Variants in CATSPERD observed in about 807,000 individuals in gnomAD.
CATSPERD encodes catsper channel auxiliary subunit delta.
In CATSPERD, 86 loss-of-function variants were observed where a neutral mutation model predicts 98.1. That is an observed-to-expected ratio of 0.88 (90% CI 0.74 to 1.05). The LOEUF is 1.05. Ranked by LOEUF, CATSPERD falls within the 50% of genes least tolerant of loss-of-function variation. The probability of loss-of-function intolerance (pLI) is 0.00; values close to 1 mark genes in which losing one functional copy is unlikely to be tolerated. For missense variants in CATSPERD, 995 were observed against 1,005.7 expected (o/e 0.99, Z 0.14); for synonymous variants, 394 against 390.2 (o/e 1.01, Z -0.12).
rs1016260936 is a variant in CATSPERD, at chr19:5,730,878, G to A, written c.276+934G>A. Among the ~76,000 whole-genome samples, 4 of 152,228 alleles carry A rather than the reference G, an allele frequency of 2.6e-5. No homozygotes were observed. In the East Asian group the frequency reaches 7.7e-4, roughly 29 times the overall value. ...TAGCTGGGCGTGGTGGCAGGTGCTT[G>A]TAGTCGCAGCTACTTGGGAGGCTGA... is the stretch of plus-strand genomic sequence containing the variant. On this transcript the variant is annotated intron_variant, in intron 4 of 21. Coordinates refer to ENST00000381624, the MANE Select transcript of CATSPERD (RefSeq NM_152784.4).
At chr19:5,756,179 G>A (rs2056321175) in intron 13 of CATSPERD, among the ~76,000 whole-genome samples, 1 of 151,952 alleles carries the variant, frequency 6.6e-6, no homozygotes, top group Non-Finnish European at 1.5e-5. Context: ...TACTCAGGAG[G>A]CTGACGTGGG....
chr19:5,754,454 A>T (rs563059921), intron 13 of CATSPERD, among the ~76,000 whole-genome samples: 3 of 130,138 alleles, frequency 2.3e-5, no homozygotes, highest in African/African-American at 8.5e-5. Context: ...GCTGGAGTGC[A>T]GTGGCGTGAT....
chr19:5,724,000 T>C (rs1488394117), intron 1 of CATSPERD, among the ~76,000 whole-genome samples: 2 of 151,760 alleles, frequency 1.3e-5, no homozygotes, highest in Non-Finnish European at 2.9e-5. Flanking sequence ...TCCGTGTTGC[T>C]CAGGCTGGTC....
chr19:5,752,203 G>A (rs115978025), intron 12 of CATSPERD, among the ~76,000 whole-genome samples: 1,570 of 152,116 alleles, frequency 0.01, 28 homozygotes, highest in African/African-American at 0.036. Flanking sequence ...CACCTACTTC[G>A]AGTGCTGAGG....
At chr19:5,768,429 C>T (rs1315269100) in intron 18 of CATSPERD, among the ~76,000 whole-genome samples, 187 bp downstream of exon 18, 9 of 151,156 alleles carry the variant, frequency 6.0e-5, no homozygotes, top group Admixed American at 5.3e-4. Context: ...CTCCACCTCC[C>T]GGGTTCACAC....
chr19:5,735,643 T>C (rs1203443162), intron 5 of CATSPERD, among the ~76,000 whole-genome samples: 1 of 151,876 alleles, frequency 6.6e-6, no homozygotes, highest in Non-Finnish European at 1.5e-5. Context: ...CAGCTAATTT[T>C]TGTATGTTTT....
At chr19:5,723,458 AT>A (rs773822808) in intron 1 of CATSPERD, among the ~76,000 whole-genome samples, 9,160 of 90,960 alleles carry the variant, frequency 0.1, 230 homozygotes, top group East Asian at 0.36. Context: ...TGCCCAGCTA[AT>A]TTTTTTTTTT....
intron 6 of CATSPERD, among the ~76,000 whole-genome samples, chr19:5,738,685 G>A (rs2055896932): frequency 6.6e-6 from 1 of 152,156 alleles, no homozygotes; most frequent in South Asian, 2.1e-4. Context: ...CCAGGCTTCA[G>A]TGATTCCCCT....
At chr19:5,742,239 CGTAT>C (rs2055997081) in intron 7 of CATSPERD, among the ~76,000 whole-genome samples, 1 of 136,968 alleles carries the variant, frequency 7.3e-6, no homozygotes, top group East Asian at 2.1e-4. Flanking sequence ...CGTGTGTGTA[CGTAT>C]GTGAATGTGT....
At chr19:5,758,027 G>A in intron 14 of CATSPERD, 95 bp downstream of exon 14, 2 of 1,076,896 alleles carry the variant, frequency 1.9e-6, no homozygotes, top group Non-Finnish European at 2.7e-6. Context: ...GAGTTTCCAG[G>A]GTACATAGCC....
chr19:5,743,667 CCTCTCTCTCTCTCTTCCTCT>C (rs2056037181), intron 7 of CATSPERD, among the ~76,000 whole-genome samples: 1 of 129,170 alleles, frequency 7.7e-6, no homozygotes, highest in East Asian at 2.1e-4. Context: ...TCTCTCTCTT[CCTCTCTCTCTCTCTTCCTCT>C]CTCTCTCTCT....
At chr19:5,747,169 CTTTT>C (rs748726369) in intron 9 of CATSPERD, among the ~76,000 whole-genome samples, 1 of 105,754 alleles carries the variant, frequency 9.5e-6, no homozygotes, top group African/African-American at 3.8e-5. Context: ...AATGGTTTCC[CTTTT>C]TTTTTTTTTT....
chr19:5,750,213 C>T (rs959157511), intron 11 of CATSPERD, among the ~76,000 whole-genome samples: 1 of 147,230 alleles, frequency 6.8e-6, no homozygotes, highest in Non-Finnish European at 1.5e-5. Flanking sequence ...CCTTGGGTGG[C>T]CAAGGTGGGC....
intron 13 of CATSPERD, among the ~76,000 whole-genome samples, chr19:5,754,534 G>A (rs2056288928): frequency 6.6e-6 from 1 of 151,748 alleles, no homozygotes; most frequent in South Asian, 2.1e-4. Flanking sequence ...GAGTAGCTGG[G>A]ATTACCAGCA....
rs1198004458 is a variant in CATSPERD, at chr19:5,733,929, A to G, written c.350A>G (p.Tyr117Cys). Reference sequence around the variant, plus strand: ...CTGTTAGTAGTGGATCAAAAAGTCTATATTTATGATTATGAAAATAATTCT... The same window carrying G: ...CTGTTAGTAGTGGATCAAAAAGTCTGTATTTATGATTATGAAAATAATTCT... ...LLLLVVDQKV[Y>C]IYDYENNSWS... The change falls in exon 5 of 22, where the codon TAT (tyrosine) becomes TGT (cysteine). Residue 117 changes from tyrosine (Y) to cysteine (C), a missense_variant. Physicochemically the swap from Tyr to Cys is radical, Grantham distance 194 (BLOSUM62 -2). Around this residue, in one of 3 missense-constraint regions of CATSPERD, gnomAD observed 228 missense variants for 209.6 expected, o/e 1.09. Coordinates refer to ENST00000381624, the MANE Select transcript of CATSPERD (RefSeq NM_152784.4). 6.2e-7 allele frequency: 1 copy of G among 1,609,520 alleles called. No homozygotes were observed. Among genetic ancestry groups the G allele is most frequent in the Non-Finnish European group, 8.5e-7 (1 of 1,177,990 alleles).
intron 1 of CATSPERD, among the ~76,000 whole-genome samples, chr19:5,723,148 C>G (rs1321360468): frequency 1.4e-5 from 2 of 145,174 alleles, no homozygotes; most frequent in Non-Finnish European, 3.0e-5. Context: ...GATCGCGCCA[C>G]TGCACTCCAG....
At chr19:5,764,375 G>A (rs1240905191) in intron 16 of CATSPERD, among the ~76,000 whole-genome samples, 1 of 151,758 alleles carries the variant, frequency 6.6e-6, no homozygotes, top group Non-Finnish European at 1.5e-5. Context: ...GAGTGCAGTG[G>A]TGCGATCTCG....
At chr19:5,726,061 T>G (rs943254328) in intron 2 of CATSPERD, among the ~76,000 whole-genome samples, 64 of 139,606 alleles carry the variant, frequency 4.6e-4, no homozygotes, top group African/African-American at 1.6e-3. Context: ...ACCCTGTTAA[T>G]TTTTTTTTTT....
intron 15 of CATSPERD, 54 bp from the exon 16 acceptor site, chr19:5,763,160 TG>T: frequency 7.7e-7 from 1 of 1,304,702 alleles, no homozygotes; most frequent in Non-Finnish European, 1.1e-6. Context: ...GGAATGCAGC[TG>T]TGTCGTTTAC....
Sources: allele counts gnomAD v4.1 joint callset (sites outside exome capture counted in the v4.1 genomes callset), GRCh38; gene constraint gnomAD v4.1.1; regional missense constraint gnomAD v4.1.1; transcripts MANE v1.5; gene names NCBI Gene and HGNC (gene_info 2026-07-23, HGNC 2026-07-21).